Variants in ZEB1 observed in about 807,000 individuals in gnomAD.
ZEB1 encodes the protein zinc finger E-box binding homeobox 1.
In ZEB1, 21 loss-of-function variants were observed where a neutral mutation model predicts 84.9. The observed-to-expected ratio is 0.25, with a 90% CI of 0.18 to 0.36. The LOEUF (loss-of-function observed/expected upper bound fraction) is 0.36, where lower values mean the gene tolerates loss of function less well. ZEB1 is among the 10% of genes least tolerant of loss of function. The pLI, the probability that ZEB1 is intolerant of heterozygous loss-of-function variation, is 1.00. For synonymous variants in ZEB1, 420 were observed against 471.1 expected (o/e 0.89, Z 1.41); for missense variants, 1,104 against 1,330.2 (o/e 0.83, Z 2.65).
intron 1 of ZEB1, among the ~76,000 whole-genome samples, chr10:31,361,640 A>C (rs1276993600): frequency 1.3e-5 from 2 of 148,400 alleles, no homozygotes; most frequent in African/African-American, 5.0e-5. Context: ...ACAAATGGTG[A>C]GGGGGCTGGG....
rs1227770085 is a variant in ZEB1 at position 31,461,059 on chromosome 10, A to G, written c.81A>G (p.Val27=). Residue 27 remains valine (V), a synonymous_variant, in exon 2 of 9, where the codon GTA becomes GTG. Coordinates refer to ENST00000424869, the MANE Select transcript of ZEB1 (RefSeq NM_001174096.2). ...RNNVTNYNTV[V]ETNSDSDDED... Reference sequence around the variant, plus strand: ...CAGTTACAAATTATAATACTGTGGTAGAAACAAATTCAGATTCAGATGATG... The same window carrying G: ...CAGTTACAAATTATAATACTGTGGTGGAAACAAATTCAGATTCAGATGATG... 6.2e-7 allele frequency: 1 copy of G among 1,613,054 alleles called. No homozygotes were observed. Among genetic ancestry groups the G allele is most frequent in the Admixed American group, 1.7e-5 (1 of 59,808 alleles).
intron 1 of ZEB1, among the ~76,000 whole-genome samples, chr10:31,442,523 G>A (rs1276749021): frequency 1.3e-5 from 2 of 151,748 alleles, no homozygotes; most frequent in African/African-American, 2.4e-5. Flanking sequence ...AAAGTTGCAC[G>A]TTGTGCACAT....
chr10:31,494,756 A>G (rs1305254240), intron 2 of ZEB1, among the ~76,000 whole-genome samples: 2 of 152,040 alleles, frequency 1.3e-5, no homozygotes, highest in Non-Finnish European at 2.9e-5. Flanking sequence ...CACTATTATA[A>G]TAAATAAAAT....
intron 1 of ZEB1, among the ~76,000 whole-genome samples, chr10:31,407,998 T>C (rs111376016): frequency 5.5e-5 from 8 of 145,532 alleles, no homozygotes; most frequent in African/African-American, 1.3e-4. Flanking sequence ...GAAAACCCCA[T>C]TGTCTCAGCC....
chr10:31,514,777 A>G, intron 6 of ZEB1, 69 bp downstream of exon 6: 2 of 1,279,526 alleles, frequency 1.6e-6, no homozygotes, highest in East Asian at 2.4e-5. Context: ...ATATCATAAC[A>G]TGTAATCTAC....
chr10:31,319,609 G>C (rs972665870), intron 1 of ZEB1: 1 of 367,680 alleles, frequency 2.7e-6, no homozygotes, highest in Non-Finnish European at 4.8e-6. Flanking sequence ...CGCAGGGCGG[G>C]CGGCCGGGAC....
intron 1 of ZEB1, among the ~76,000 whole-genome samples, chr10:31,456,975 G>A (rs2061312480): frequency 6.6e-6 from 1 of 152,150 alleles, no homozygotes; most frequent in Non-Finnish European, 1.5e-5. Context: ...TTTACATTCT[G>A]ATGACAATAA....
chr10:31,509,530 C>T (rs1173677000), intron 4 of ZEB1, among the ~76,000 whole-genome samples: 2 of 152,286 alleles, frequency 1.3e-5, no homozygotes, highest in Middle Eastern at 3.4e-3. Context: ...GAGGTGAGTA[C>T]CAGATGCCTC....
chr10:31,373,316 T>C (rs1025816681), intron 1 of ZEB1: 11 of 785,474 alleles, frequency 1.4e-5, no homozygotes, highest in Non-Finnish European at 1.7e-5. Context: ...CTGTCACTTA[T>C]ATTTTAATAA....
At chr10:31,467,888 A>AT (rs751011665) in intron 2 of ZEB1, among the ~76,000 whole-genome samples, 17 of 152,038 alleles carry the variant, frequency 1.1e-4, no homozygotes, top group Middle Eastern at 3.2e-3. Context: ...AATGCCTGGG[A>AT]TGGCATGGCA....
intron 1 of ZEB1, among the ~76,000 whole-genome samples, chr10:31,379,435 C>G (rs1279959328): frequency 4.0e-5 from 6 of 151,808 alleles, no homozygotes; most frequent in South Asian, 2.1e-4. Context: ...CTGTCTGTCT[C>G]TCTCTCTGTG....
At chr10:31,370,363 C>A (rs2045480376) in intron 1 of ZEB1, among the ~76,000 whole-genome samples, 1 of 152,110 alleles carries the variant, frequency 6.6e-6, no homozygotes, top group South Asian at 2.1e-4. Context: ...GTAATCCCAG[C>A]ACTTTGGGAG....
At chr10:31,503,049 C>T (rs947438414) in intron 4 of ZEB1, among the ~76,000 whole-genome samples, 1 of 152,040 alleles carries the variant, frequency 6.6e-6, no homozygotes, top group Non-Finnish European at 1.5e-5. Context: ...GTTATTGTTT[C>T]ACCAGAAGAA....
chr10:31,376,452 C>A (rs2046639681), intron 1 of ZEB1, among the ~76,000 whole-genome samples: 1 of 151,706 alleles, frequency 6.6e-6, no homozygotes, highest in Non-Finnish European at 1.5e-5. Context: ...GAAAGATCTG[C>A]AGGTTTCTGA....
At chr10:31,394,253 T>G (rs1164538575) in intron 1 of ZEB1, among the ~76,000 whole-genome samples, 2 of 152,004 alleles carry the variant, frequency 1.3e-5, no homozygotes, top group Non-Finnish European at 2.9e-5. Flanking sequence ...CAAAACACAT[T>G]CAAGATAAAA....
At chr10:31,472,929 A>G (rs2063485819) in intron 2 of ZEB1, among the ~76,000 whole-genome samples, 1 of 124,700 alleles carries the variant, frequency 8.0e-6, no homozygotes, top group Non-Finnish European at 1.5e-5. Context: ...AATGTAATCC[A>G]GCATATAAAC....
chr10:31,478,935 G>C (rs1043969845), intron 2 of ZEB1, among the ~76,000 whole-genome samples: 1 of 151,808 alleles, frequency 6.6e-6, no homozygotes, highest in Non-Finnish European at 1.5e-5. Flanking sequence ...CTTGTTCACT[G>C]TTTGGATTAT....
intron 1 of ZEB1, among the ~76,000 whole-genome samples, chr10:31,420,071 C>T (rs556127066): frequency 1.6e-4 from 25 of 152,242 alleles, no homozygotes; most frequent in Non-Finnish European, 2.8e-4. Context: ...ATTTCTACTT[C>T]GATGACCTTT....
intron 1 of ZEB1, among the ~76,000 whole-genome samples, chr10:31,364,554 C>G (rs566286313): frequency 2.0e-5 from 3 of 152,334 alleles, no homozygotes; most frequent in African/African-American, 7.2e-5. Flanking sequence ...GCCAGGCCCG[C>G]CTTCTCCATG....
Sources: allele counts gnomAD v4.1 joint callset (sites outside exome capture counted in the v4.1 genomes callset), GRCh38; gene constraint gnomAD v4.1.1; transcripts MANE v1.5; gene names NCBI Gene and HGNC (gene_info 2026-07-23, HGNC 2026-07-21).